EP400: variants seen among roughly 807,000 people sequenced by gnomAD.
EP400 encodes the protein E1A binding protein p400.
A neutral mutation model predicts 354.1 loss-of-function variants in EP400; 105 were observed. The observed-to-expected ratio is 0.30, with a 90% CI of 0.25 to 0.35. The LOEUF (loss-of-function observed/expected upper bound fraction) is 0.35. Ranked by LOEUF, EP400 falls within the 10% of genes least tolerant of loss-of-function variation. EP400 has a pLI of 1.00. For missense variants in EP400, 3,280 were observed against 4,121.0 expected, an observed-to-expected ratio of 0.80 and a Z score of 5.59; for synonymous variants, 1,646 against 1,716.9, an observed-to-expected ratio of 0.96 and a Z score of 1.02.
At chr12:132,031,416 A>C (rs541446622) in intron 29 of EP400, 6 of 518,162 alleles carry the variant, frequency 1.2e-5, no homozygotes, top group Non-Finnish European at 2.3e-5. Context: ...GATGTTATTT[A>C]AACTGTGCAT....
At chr12:132,057,347 C>T (rs556269759) in intron 45 of EP400, among the ~76,000 whole-genome samples, 139 of 152,288 alleles carry the variant, frequency 9.1e-4, no homozygotes, top group African/African-American at 3.1e-3. Context: ...AATGAATGCC[C>T]GAGACATACA....
rs763116130 is a variant in EP400 at position 132,023,761 on chromosome 12, C to T, written c.4691-16C>T. The T allele has an allele frequency of 4.3e-6, 7 of 1,610,052 alleles. No homozygotes were observed. The highest frequency in any genetic ancestry group is 1.7e-5 in the Admixed American group (1 of 58,912). On this transcript the variant is annotated splice_polypyrimidine_tract_variant and intron_variant, in intron 23 of 52. Transcript: ENST00000389561. ...CAAAATGATCTGAATTCACCTTTTCCTCTACGTTTCAACAGGTGGAGAGGT... is the reference window on the plus strand; with the variant it reads ...CAAAATGATCTGAATTCACCTTTTCTTCTACGTTTCAACAGGTGGAGAGGT...
At chr12:132,063,546 T>C (rs1218140031) in intron 47 of EP400, among the ~76,000 whole-genome samples, 1 of 151,934 alleles carries the variant, frequency 6.6e-6, no homozygotes, top group Non-Finnish European at 1.5e-5. Flanking sequence ...AAATGAAAAA[T>C]CATTAATACT....
At chr12:132,061,215 C>A (rs1383020316) in intron 45 of EP400, among the ~76,000 whole-genome samples, 1 of 152,118 alleles carries the variant, frequency 6.6e-6, no homozygotes, top group African/African-American at 2.4e-5. Context: ...GGCAAGCATC[C>A]GTGGTAATTC....
Position 132,031,788 on chromosome 12 carries a change from C to G in EP400, c.5755-165C>G, listed in dbSNP as rs542270198. On this transcript the variant is annotated intron_variant, in intron 29 of 52. Transcript: ENST00000389561. Reference sequence around the variant, plus strand: ...GCCAGGATGATCTCGATCTGCTGACCTTGTGATCCACCCACCTCGGCCTCC... The same window carrying G: ...GCCAGGATGATCTCGATCTGCTGACGTTGTGATCCACCCACCTCGGCCTCC... 5.3e-5 allele frequency among the ~76,000 whole-genome samples: 8 copies of G among 152,262 alleles called. No individual in the cohort carries two copies. In the South Asian group the frequency reaches 1.7e-3, roughly 32 times the overall value.
chr12:132,050,789 A>G lies in EP400; in HGVS notation c.7394+134A>G. 1 of 1,084,154 alleles carries G rather than the reference A, an allele frequency of 9.2e-7. No individual in the cohort carries two copies. Among genetic ancestry groups the G allele is most frequent in the South Asian group, 1.3e-5 (1 of 74,380 alleles). The allele number at this position is 1,084,154 out of a possible 1,614,324, so 67.2% of individuals were successfully genotyped here. ...ATCAGCTGGACGTGGCAGTGCGCAG[A>G]ACCTGCAGGAGAGAGGTGCTTTTCC... On this transcript the variant is annotated intron_variant, in intron 41 of 52. Transcript: ENST00000389561. This position sits in a 1 kb window ranked among gnomAD's most constrained non-coding sequence, Gnocchi z 4.8.
chr12:132,014,613 A>G (rs915652205), intron 19 of EP400, among the ~76,000 whole-genome samples: 8 of 152,228 alleles, frequency 5.3e-5, no homozygotes, highest in African/African-American at 1.7e-4. Flanking sequence ...GTGCTTAGTC[A>G]TCACACCTCA....
At chr12:132,022,640 T>C (rs749903681) in intron 23 of EP400, among the ~76,000 whole-genome samples, 4 of 151,724 alleles carry the variant, frequency 2.6e-5, no homozygotes, top group Admixed American at 2.6e-4. Flanking sequence ...AAAAAGTGTT[T>C]TAAGCAACGC....
chr12:132,050,287 C>T lies in EP400; in HGVS notation c.7201-36C>T, dbSNP rs1895248172. 1.2e-6 allele frequency: 2 copies of T among 1,612,464 alleles called. No individual in the cohort carries two copies. The highest frequency in any genetic ancestry group is 1.3e-5 in the African/African-American group (1 of 74,900). On this transcript the variant is annotated intron_variant, in intron 39 of 52. Transcript: ENST00000389561. The surrounding 1 kb of genome is among the most constrained non-coding windows in gnomAD (Gnocchi z 4.8). The stretch of plus-strand genomic sequence containing the variant: ...CCCACGCAGCCGTCTGTCCATGCTG[C>T]CTAATTCAGATGCACTCTCGTCAAT...
chr12:132,014,626 C>T (rs1893867224), intron 19 of EP400, among the ~76,000 whole-genome samples: 1 of 152,248 alleles, frequency 6.6e-6, no homozygotes, highest in African/African-American at 2.4e-5. Context: ...ACACCTCACT[C>T]TCTGCTGGGG....
chr12:132,001,645 G>A (rs1015655570), intron 12 of EP400, among the ~76,000 whole-genome samples: 14 of 152,258 alleles, frequency 9.2e-5, no homozygotes, highest in African/African-American at 2.9e-4. Context: ...AGTAGCAGGT[G>A]TTTTTCCTTG....
Position 132,023,828 on chromosome 12 carries a change from G to A in EP400, c.4742G>A (p.Ser1581Asn), listed in dbSNP as rs1565919475. 2 of 1,613,956 alleles carry A rather than the reference G, an allele frequency of 1.2e-6. No individual in the cohort carries two copies. The highest frequency in any genetic ancestry group is 1.7e-6 in the Non-Finnish European group (2 of 1,179,958). ...CTGGCATCCATCACAGGACCACAGA[G>A]CCGCGTGGCTCAGCCAGAGACGCCG... ...AQLASITGPQSRVAQPETPVT... is the reference protein window; with the variant it reads ...AQLASITGPQNRVAQPETPVT... Residue 1581 changes from serine to asparagine, a missense_variant, in exon 24 of 53, where the codon AGC (serine) becomes AAC (asparagine). Transcript: ENST00000389561.
intron 5 of EP400, among the ~76,000 whole-genome samples, chr12:131,985,526 C>G (rs1024219456): frequency 5.3e-5 from 8 of 152,220 alleles, no homozygotes; most frequent in Non-Finnish European, 4.4e-5. Context: ...AGCCCACCTT[C>G]CCTGCTCTCT....
In EP400 at chr12:132,028,249, T is replaced by C. The variant is rs768929948; in HGVS notation, c.5342T>C (p.Leu1781Pro). Reference sequence around the variant, plus strand: ...AGTCCAAGTGAGCTGATGTTGACGCTTTGTCGGTGTGGAGAGTCTCTGCAG... The same window carrying C: ...AGTCCAAGTGAGCTGATGTTGACGCCTTGTCGGTGTGGAGAGTCTCTGCAG... ...SESPSELMLT[L>P]CRCGESLQDV... Residue 1781 changes from leucine to proline, a missense_variant, in exon 27 of 53, where the codon CTT (leucine) becomes CCT (proline). Around this residue, in one of 20 missense-constraint regions of EP400, gnomAD observed 459 missense variants for 496.9 expected, o/e 0.92. Coordinates refer to ENST00000389561, the MANE Select transcript of EP400 (RefSeq NM_015409.5). 1.2e-5 allele frequency: 19 copies of C among 1,614,150 alleles called. No homozygotes were observed. The highest frequency in any genetic ancestry group is 1.6e-5 in the Non-Finnish European group (19 of 1,180,034).
chr12:132,014,460 G>A (rs150667992), intron 19 of EP400, among the ~76,000 whole-genome samples: 63 of 152,330 alleles, frequency 4.1e-4, no homozygotes, highest in Non-Finnish European at 7.9e-4. Flanking sequence ...AGTTGACACA[G>A]AGTGTGGGGC....
intron 2 of EP400, among the ~76,000 whole-genome samples, chr12:131,974,738 C>G (rs1014485258): frequency 4.6e-5 from 7 of 151,762 alleles, no homozygotes; most frequent in African/African-American, 1.7e-4. Flanking sequence ...TTCTGTAATC[C>G]CAGCACTTTG....
In EP400 at chr12:131,991,455, T is replaced by C; in HGVS notation, c.2678T>C (p.Leu893Pro). ...TTTGACGCATTACAGGAAAGTTCTC[T>C]GGTAAGTTTGGGGTTGTTACTGTGC... Reference protein sequence around the residue: ...KGFDALQESSLDSGMSGRKRK... With the variant: ...KGFDALQESSPDSGMSGRKRK... Residue 893 changes from leucine (L) to proline (P), a missense_variant and splice_region_variant, in exon 10 of 53, where the codon CTG (leucine) becomes CCG (proline). Leu to Pro is a moderately conservative substitution (Grantham distance 98). This residue lies in a region of EP400 where 800 missense variants were observed against 840.0 expected (regional missense o/e 0.95). Coordinates refer to ENST00000389561, the MANE Select transcript of EP400 (RefSeq NM_015409.5). 1.2e-6 allele frequency: 2 copies of C among 1,614,068 alleles called. No individual in the cohort carries two copies. Among genetic ancestry groups the C allele is most frequent in the Non-Finnish European group, 1.7e-6 (2 of 1,179,964 alleles).
chr12:132,069,799 C>T (rs887421214), intron 51 of EP400, among the ~76,000 whole-genome samples, 158 bp downstream of exon 51: 1 of 152,150 alleles, frequency 6.6e-6, no homozygotes, highest in African/African-American at 2.4e-5. Context: ...TTCAACCCCT[C>T]TGGCTCCTGG....
chr12:132,062,519 C>T lies in EP400; in HGVS notation c.8152C>T (p.Leu2718Phe), dbSNP rs151183932. Residue 2718 changes from leucine to phenylalanine, a missense_variant, in exon 47 of 53, where the codon CTC (leucine) becomes TTC (phenylalanine). This residue lies in a region of EP400 where 11 missense variants were observed against 34.5 expected (regional missense o/e 0.32). Coordinates refer to ENST00000389561, the MANE Select transcript of EP400 (RefSeq NM_015409.5). ...CATCACACCTGCACATTTCCAGCTTCTCAGGCAGCAGCAGCAGCAGCAGCA... is the reference window on the plus strand; with the variant it reads ...CATCACACCTGCACATTTCCAGCTTTTCAGGCAGCAGCAGCAGCAGCAGCA... The part of the protein sequence containing the change: ...KTITPAHFQL[L>F]RQQQQQQQQQ... 6.2e-7 allele frequency: 1 copy of T among 1,611,334 alleles called. No individual in the cohort carries two copies. Among genetic ancestry groups the T allele is most frequent in the Non-Finnish European group, 8.5e-7 (1 of 1,179,898 alleles).
Sources: gnomAD v4.1 joint callset for allele counts (sites outside exome capture counted in the v4.1 genomes callset) on GRCh38, gnomAD v4.1.1 for gene constraint, gnomAD v4.1.1 regional missense constraint, Gnocchi (gnomAD v3.1) non-coding constraint, MANE v1.5 for transcripts, NCBI Gene and HGNC (gene_info 2026-07-23, HGNC 2026-07-21) for gene names.